Variants in UTRN observed in about 807,000 individuals in gnomAD.
UTRN encodes the protein utrophin.
Under a neutral mutation model 463.9 loss-of-function variants are expected in UTRN, and 283 were observed. That is an observed-to-expected ratio of 0.61 (90% CI 0.55 to 0.67). The LOEUF (loss-of-function observed/expected upper bound fraction) is 0.67. Among genes scored for constraint, UTRN ranks in the 30% least tolerant of loss-of-function variants. The pLI, the probability that UTRN is intolerant of heterozygous loss-of-function variation, is 0.00. For synonymous variants in UTRN, 1,442 were observed against 1,431.5 expected (o/e 1.01, Z -0.17); for missense variants, 3,922 against 4,084.3 (o/e 0.96, Z 1.08).
intron 54 of UTRN, among the ~76,000 whole-genome samples, chr6:144,736,413 A>G (rs762989294): frequency 6.6e-6 from 1 of 152,136 alleles, no homozygotes; most frequent in Non-Finnish European, 1.5e-5. Context: ...CCATTCTAGA[A>G]AACACTTTCC....
chr6:144,433,452 C>T lies in UTRN; in HGVS notation c.856-2483C>T, dbSNP rs1584764885. ...GGGGTGGCTGCCGGGCGGAGGGGCT[C>T]CTCACTTCTCAGACGGGGCGGTTGC... On this transcript the variant is annotated intron_variant, in intron 9 of 74. Transcript: ENST00000367545. 2.0e-5 allele frequency among the ~76,000 whole-genome samples: 3 copies of T among 151,696 alleles called. No homozygotes were observed. In the East Asian group the frequency reaches 5.9e-4, roughly 30 times the overall value.
At chr6:144,609,029 T>C (rs1307357247) in intron 51 of UTRN, among the ~76,000 whole-genome samples, 2 of 152,214 alleles carry the variant, frequency 1.3e-5, no homozygotes, top group Non-Finnish European at 2.9e-5. Flanking sequence ...AATTCTTACC[T>C]ATCAGTAACT....
At chr6:144,758,030 C>T in intron 58 of UTRN, 41 bp downstream of exon 58, 1 of 1,544,408 alleles carries the variant, frequency 6.5e-7, no homozygotes, top group Non-Finnish European at 8.9e-7. Flanking sequence ...CCAAGAAAAT[C>T]ATGTTTTATT....
At chr6:144,804,512 T>G (rs1462186179) in intron 65 of UTRN, among the ~76,000 whole-genome samples, 4 of 152,182 alleles carry the variant, frequency 2.6e-5, no homozygotes, top group Non-Finnish European at 5.9e-5. Context: ...ATTATGCACA[T>G]GTATTTCTGT....
chr6:144,764,938 A>G (rs955266974), intron 58 of UTRN, among the ~76,000 whole-genome samples: 10 of 151,594 alleles, frequency 6.6e-5, no homozygotes, highest in African/African-American at 2.2e-4. Flanking sequence ...ACACCTTCAG[A>G]TGGGGGCATA....
intron 50 of UTRN, among the ~76,000 whole-genome samples, chr6:144,559,226 A>G (rs897485949): frequency 3.9e-5 from 6 of 152,136 alleles, no homozygotes; most frequent in Non-Finnish European, 7.4e-5. Context: ...TTCGTTTATC[A>G]TAGCTAAGAC....
At chr6:144,342,994 AT>A (rs1171377498) in intron 2 of UTRN, among the ~76,000 whole-genome samples, 1 of 151,760 alleles carries the variant, frequency 6.6e-6, no homozygotes, top group African/African-American at 2.4e-5. Flanking sequence ...GAGAGAGAGT[AT>A]TTTGCCAGAG....
intron 23 of UTRN, among the ~76,000 whole-genome samples, chr6:144,469,737 G>C (rs1199577851): frequency 3.1e-5 from 4 of 128,258 alleles, no homozygotes; most frequent in Non-Finnish European, 6.3e-5. Flanking sequence ...TCATTTTTGG[G>C]TGTTTCTCGG....
chr6:144,671,972 A>G (rs1781085299), intron 51 of UTRN, among the ~76,000 whole-genome samples: 1 of 152,034 alleles, frequency 6.6e-6, no homozygotes, highest in Admixed American at 6.6e-5. Context: ...ATTGACTTGC[A>G]GATGTTAAAC....
At chr6:144,538,522 T>C (rs1177634948) in intron 44 of UTRN, among the ~76,000 whole-genome samples, 5 of 151,562 alleles carry the variant, frequency 3.3e-5, no homozygotes, top group African/African-American at 9.7e-5. Flanking sequence ...AAAAAAAAAT[T>C]AGCTGGCCGT....
At chr6:144,615,692 T>A (rs1806008953) in intron 51 of UTRN, among the ~76,000 whole-genome samples, 1 of 152,182 alleles carries the variant, frequency 6.6e-6, no homozygotes, top group Non-Finnish European at 1.5e-5. Context: ...TCATGGTTAA[T>A]CCATCAAAGC....
intron 51 of UTRN, among the ~76,000 whole-genome samples, chr6:144,663,428 T>C (rs1459250884): frequency 1.3e-5 from 2 of 152,182 alleles, no homozygotes; most frequent in African/African-American, 4.8e-5. Context: ...TCCCTGAAAG[T>C]ACTTCCTAAA....
chr6:144,761,536 G>A (rs897480581), intron 58 of UTRN, among the ~76,000 whole-genome samples: 5 of 151,962 alleles, frequency 3.3e-5, no homozygotes, highest in African/African-American at 1.2e-4. Flanking sequence ...AGTCCCAGCA[G>A]TCAGGAGGCT....
intron 73 of UTRN, among the ~76,000 whole-genome samples, chr6:144,842,110 C>CAA (rs35954430): frequency 0.14 from 8,588 of 61,570 alleles, 1,116 homozygotes; most frequent in East Asian, 0.33. Context: ...ACTTCCTCTC[C>CAA]AAAAAAAAAA....
Position 144,448,692 on chromosome 6 carries a change from A to G in UTRN, c.1995A>G (p.Lys665=). 6.2e-7 allele frequency: 1 copy of G among 1,614,120 alleles called. No homozygotes were observed. Among genetic ancestry groups the G allele is most frequent in the African/African-American group, 1.3e-5 (1 of 75,056 alleles). The change falls in exon 17 of 75, where the codon AAA becomes AAG. Residue 665 remains lysine, a synonymous_variant. Transcript: ENST00000367545. ...TVRVREQAIT[K]KSKQELPPPP... ...GTGTAAGAGAACAAGCAATTACAAA[A>G]AAATCTAAGCAGGAACTGCCTCCTC...
intron 51 of UTRN, among the ~76,000 whole-genome samples, chr6:144,579,955 TA>T (rs1351271624): frequency 6.6e-6 from 1 of 152,238 alleles, no homozygotes; most frequent in African/African-American, 2.4e-5. Flanking sequence ...CTCTCCATTC[TA>T]TTTTTAAAAA....
rs1478850295 is a variant in UTRN at position 144,708,260 on chromosome 6, C to T, written c.7809+8017C>T. The T allele has an allele frequency of 7.7e-6, 5 of 646,798 alleles. No individual in the cohort carries two copies. In the East Asian group the frequency reaches 1.5e-4, roughly 20 times the overall value. 40.1% of individuals were successfully genotyped at this position (646,798 alleles called of 1,614,324 possible). ...AGGTAATTCTGCGATTGCTTCAATA[C>T]TTGGAATTGCAATAGAGTTGTAAGT... On this transcript the variant is annotated intron_variant, in intron 53 of 74. Coordinates refer to ENST00000367545, the MANE Select transcript of UTRN (RefSeq NM_007124.3).
intron 41 of UTRN, among the ~76,000 whole-genome samples, chr6:144,523,578 T>C (rs1796314223): frequency 6.6e-6 from 1 of 152,232 alleles, no homozygotes; most frequent in South Asian, 2.1e-4. Context: ...CCCAAAATGC[T>C]GGGATTACAG....
intron 51 of UTRN, among the ~76,000 whole-genome samples, chr6:144,635,514 C>CTTTTTTTTTTTTTTTTTT (rs1402815648): frequency 6.2e-5 from 5 of 80,012 alleles, no homozygotes; most frequent in Non-Finnish European, 8.9e-5. Flanking sequence ...CTTTTTTTTT[C>CTTTTTTTTTTTTTTTTTT]TTTTTTTTTT....
Sources: allele counts gnomAD v4.1 joint callset (sites outside exome capture counted in the v4.1 genomes callset), GRCh38; gene constraint gnomAD v4.1.1; transcripts MANE v1.5; gene names NCBI Gene and HGNC (gene_info 2026-07-23, HGNC 2026-07-21).